LIMCH1: variants seen among roughly 807,000 people sequenced by gnomAD.
LIMCH1 encodes the protein LIM and calponin homology domains 1.
Under a neutral mutation model 176.5 loss-of-function variants are expected in LIMCH1, and 113 were observed. The observed-to-expected ratio is 0.64, with a 90% CI of 0.55 to 0.75. The LOEUF (loss-of-function observed/expected upper bound fraction) is 0.75. Among genes scored for constraint, LIMCH1 ranks in the 30% least tolerant of loss-of-function variants. LIMCH1 has a pLI of 0.00. For missense variants in LIMCH1, 1,674 were observed against 1,814.9 expected (o/e 0.92, Z 1.41); for synonymous variants, 619 against 645.9 (o/e 0.96, Z 0.63).
chr4:41,648,354 C>CT (rs1053189091), intron 17 of LIMCH1, among the ~76,000 whole-genome samples: 2 of 152,128 alleles, frequency 1.3e-5, no homozygotes, highest in African/African-American at 4.8e-5. Flanking sequence ...TCTGAGAAAA[C>CT]TCTGTTCTTC....
intron 1 of LIMCH1, among the ~76,000 whole-genome samples, chr4:41,577,847 C>G (rs1200153321): frequency 6.6e-6 from 1 of 152,078 alleles, no homozygotes; most frequent in Non-Finnish European, 1.5e-5. Flanking sequence ...AAGTATATAC[C>G]ATAATAATTT....
chr4:41,544,019 C>A (rs1457728188), intron 1 of LIMCH1, among the ~76,000 whole-genome samples: 1 of 152,124 alleles, frequency 6.6e-6, no homozygotes, highest in East Asian at 1.9e-4. Context: ...GGACATGCTT[C>A]CCTGCAGCAA....
At chr4:41,538,941 A>C (rs1266907508) in intron 1 of LIMCH1, among the ~76,000 whole-genome samples, 1 of 152,152 alleles carries the variant, frequency 6.6e-6, no homozygotes, top group Non-Finnish European at 1.5e-5. Flanking sequence ...TGTCCTTCAT[A>C]GTCACTATTT....
intron 2 of LIMCH1, among the ~76,000 whole-genome samples, chr4:41,505,538 C>T (rs1447849243): frequency 6.6e-6 from 1 of 152,156 alleles, no homozygotes; most frequent in East Asian, 1.9e-4. Context: ...AACAATAACC[C>T]TGACCTCTGT....
intron 18 of LIMCH1, among the ~76,000 whole-genome samples, chr4:41,661,153 G>A (rs867647444): frequency 1.3e-4 from 19 of 151,084 alleles, no homozygotes; most frequent in African/African-American, 2.7e-4. Context: ...TGAGCTTTTG[G>A]TGGTGAAAGA....
intron 1 of LIMCH1, among the ~76,000 whole-genome samples, chr4:41,430,194 A>G (rs1346849943): frequency 3.9e-5 from 6 of 152,222 alleles, no homozygotes; most frequent in Non-Finnish European, 7.4e-5. Flanking sequence ...AAATAGCTTT[A>G]TATAGGAATT....
Position 41,388,042 on chromosome 4 carries a change from G to A in LIMCH1, c.96+27106G>A, listed in dbSNP as rs189584241. On this transcript the variant is annotated intron_variant, in intron 1 of 26. Coordinates refer to the LIMCH1 transcript ENST00000313860. Reference sequence around the variant, plus strand: ...GGAGAATCACTTGAACCCAAGAAGCGGAGGTTGCAGTGAGCTGAGATCGTG... The same window carrying A: ...GGAGAATCACTTGAACCCAAGAAGCAGAGGTTGCAGTGAGCTGAGATCGTG... Among the ~76,000 whole-genome samples, 917 of 152,316 alleles carry A rather than the reference G, an allele frequency of 6.0e-3. 6 individuals are homozygous for A. The highest frequency in any genetic ancestry group is 0.026 in the South Asian group (124 of 4,826).
At chr4:41,453,460 G>T (rs1437114990) in intron 1 of LIMCH1, 1 of 152,148 alleles carries the variant, frequency 6.6e-6, no homozygotes, top group Non-Finnish European at 1.5e-5. Flanking sequence ...CTAAAGAAAA[G>T]AAAATGTTCT....
At chr4:41,670,711 G>T in intron 21 of LIMCH1, 1 of 1,533,302 alleles carries the variant, frequency 6.5e-7, no homozygotes, top group African/African-American at 1.4e-5. Flanking sequence ...TCTGCCATCT[G>T]ATCTAGAGTC....
intron 4 of LIMCH1, among the ~76,000 whole-genome samples, chr4:41,611,597 C>T (rs192196163): frequency 2.0e-5 from 3 of 152,314 alleles, no homozygotes; most frequent in African/African-American, 7.2e-5. Flanking sequence ...TTGCCACTAA[C>T]TGTGTGACCT....
chr4:41,666,007 C>T (rs188199742), intron 20 of LIMCH1, among the ~76,000 whole-genome samples: 7 of 152,276 alleles, frequency 4.6e-5, no homozygotes, highest in Admixed American at 6.5e-5. Context: ...AGGCACTGTT[C>T]GACAGTGGTT....
chr4:41,646,844 A>G lies in LIMCH1; in HGVS notation c.2771A>G (p.Lys924Arg). Reference protein sequence around the residue: ...TPKAVPMLTPKPYSQPKNSQD... With the variant: ...TPKAVPMLTPRPYSQPKNSQD... ...AAAGCAGTGCCTATGCTGACACCCA[A>G]GCCTTACTCCCAGCCCAAAAATTCT... Residue 924 changes from lysine (K) to arginine (R), a missense_variant, in exon 17 of 32, where the codon AAG becomes AGG. By Grantham distance (26) the Lys-to-Arg change is conservative (BLOSUM62 2). Around this residue, in one of 3 missense-constraint regions of LIMCH1, gnomAD observed 1,015 missense variants for 1,102.5 expected, o/e 0.92. Transcript: ENST00000503057. 6.2e-7 allele frequency: 1 copy of G among 1,614,164 alleles called. No individual in the cohort carries two copies. The highest frequency in any genetic ancestry group is 1.1e-5 in the South Asian group (1 of 91,072).
chr4:41,398,427 G>A lies in LIMCH1; in HGVS notation c.96+37491G>A, dbSNP rs1344443656. 2.0e-5 allele frequency among the ~76,000 whole-genome samples: 3 copies of A among 151,938 alleles called. No homozygotes were observed. In the East Asian group the frequency reaches 5.8e-4, roughly 29 times the overall value. ...CAACTGAGTTTTGTGGGTGAATAAT[G>A]TTACCATTTTATTTATTTTAAAGCA... On this transcript the variant is annotated intron_variant, in intron 1 of 26. Coordinates refer to the LIMCH1 transcript ENST00000313860.
intron 1 of LIMCH1, among the ~76,000 whole-genome samples, chr4:41,553,281 T>C (rs1364837289): frequency 2.0e-5 from 3 of 152,156 alleles, no homozygotes; most frequent in African/African-American, 7.2e-5. Context: ...AGGCAGACAA[T>C]TTCAGTTTAG....
At chr4:41,449,174 C>T (rs2063583514) in intron 1 of LIMCH1, among the ~76,000 whole-genome samples, 1 of 152,144 alleles carries the variant, frequency 6.6e-6, no homozygotes, top group South Asian at 2.1e-4. Context: ...CCCTGGCACC[C>T]TTCCAACCCA....
chr4:41,683,667 C>T (rs1175728260), intron 26 of LIMCH1, among the ~76,000 whole-genome samples: 2 of 152,138 alleles, frequency 1.3e-5, no homozygotes, highest in African/African-American at 2.4e-5. Flanking sequence ...GAGAATTCTC[C>T]TATGCTCATC....
chr4:41,375,477 C>A (rs2154099667), intron 1 of LIMCH1, among the ~76,000 whole-genome samples: 1 of 152,248 alleles, frequency 6.6e-6, no homozygotes, highest in East Asian at 1.9e-4. Context: ...ATATATAAAC[C>A]TTTACACTGA....
chr4:41,661,984 C>G (rs2152981134), intron 19 of LIMCH1: 1 of 335,766 alleles, frequency 3.0e-6, no homozygotes, highest in East Asian at 9.4e-5. Context: ...GGAAGAAGAC[C>G]CTGTTCCCGA....
At chr4:41,487,306 CTAAA>C (rs1290169630) in intron 1 of LIMCH1, among the ~76,000 whole-genome samples, 1 of 152,120 alleles carries the variant, frequency 6.6e-6, no homozygotes, top group Non-Finnish European at 1.5e-5. Flanking sequence ...TGCATCTATC[CTAAA>C]TAGATGGAAT....
Sources: allele counts gnomAD v4.1 joint callset (sites outside exome capture counted in the v4.1 genomes callset), GRCh38; gene constraint gnomAD v4.1.1; regional missense constraint gnomAD v4.1.1; transcripts MANE v1.5; gene names NCBI Gene and HGNC (gene_info 2026-07-23, HGNC 2026-07-21).